TSC22D1: variants seen among roughly 807,000 people sequenced by gnomAD.
TSC22D1 encodes the protein TSC22 domain family protein 1.
A neutral mutation model predicts 74.2 loss-of-function variants in TSC22D1; 9 were observed. That is an observed-to-expected ratio of 0.12 (90% CI 0.07 to 0.21). TSC22D1 has a LOEUF of 0.21. Among genes scored for constraint, TSC22D1 ranks in the 10% least tolerant of loss-of-function variants. The pLI, the probability that TSC22D1 is intolerant of heterozygous loss-of-function variation, is 1.00. For missense variants in TSC22D1, 1,427 were observed against 1,304.7 expected (o/e 1.09, Z -1.44); for synonymous variants, 586 against 492.5 (o/e 1.19, Z -2.51).
chr13:44,494,463 C>G (rs1782913664), intron 1 of TSC22D1, among the ~76,000 whole-genome samples: 2 of 140,722 alleles, frequency 1.4e-5, no homozygotes, highest in Non-Finnish European at 3.0e-5. Context: ...GAGGCTGAAG[C>G]AGGAGTACTG....
At chr13:44,552,784 C>A (rs1055530586) in intron 1 of TSC22D1, among the ~76,000 whole-genome samples, 2 of 152,070 alleles carry the variant, frequency 1.3e-5, no homozygotes, top group African/African-American at 4.8e-5. Flanking sequence ...GTTAGGAGAT[C>A]GAGACCATCC....
intron 1 of TSC22D1, among the ~76,000 whole-genome samples, chr13:44,509,974 TA>T (rs1168693798): frequency 2.1e-3 from 173 of 82,224 alleles, no homozygotes; most frequent in African/African-American, 5.1e-3. Context: ...AAAAAAAAGC[TA>T]AAAAAAAAAA....
At chr13:44,519,877 G>A (rs1168334556) in intron 1 of TSC22D1, among the ~76,000 whole-genome samples, 1 of 152,124 alleles carries the variant, frequency 6.6e-6, no homozygotes, top group African/African-American at 2.4e-5. Context: ...AGGACTAGAT[G>A]ATGGATTATG....
At chr13:44,520,625 A>AT (rs1003040205) in intron 1 of TSC22D1, among the ~76,000 whole-genome samples, 3 of 152,142 alleles carry the variant, frequency 2.0e-5, no homozygotes, top group Non-Finnish European at 4.4e-5. Flanking sequence ...GAAAGAAGTA[A>AT]TTTTTTAAAA....
intron 2 of TSC22D1, 99 bp from the exon 3 acceptor site, chr13:44,434,982 T>A: frequency 9.6e-7 from 1 of 1,037,710 alleles, no homozygotes; most frequent in Non-Finnish European, 1.4e-6. Flanking sequence ...CCTAACTATT[T>A]ACATATTCCA....
intron 1 of TSC22D1, among the ~76,000 whole-genome samples, chr13:44,572,253 A>C (rs1421932702): frequency 6.6e-6 from 1 of 152,204 alleles, no homozygotes; most frequent in Non-Finnish European, 1.5e-5. Flanking sequence ...TCAGCTTCAA[A>C]GACACAATTT....
intron 1 of TSC22D1, among the ~76,000 whole-genome samples, chr13:44,556,203 C>T (rs976194599): frequency 1.3e-5 from 2 of 150,374 alleles, no homozygotes; most frequent in African/African-American, 2.4e-5. Context: ...ATAATGGAAA[C>T]GAAAAAAACA....
chr13:44,439,463 T>C (rs1227307183), intron 1 of TSC22D1, among the ~76,000 whole-genome samples: 2 of 152,200 alleles, frequency 1.3e-5, no homozygotes, highest in African/African-American at 2.4e-5. Flanking sequence ...GGATCAGAAA[T>C]GTCCGTGGCA....
In TSC22D1 at chr13:44,536,945, A is replaced by AC. The variant is rs1566159539; in HGVS notation, c.2912+36217_2912+36218insG. The AC allele has an allele frequency of 8.7e-6, 8 of 915,842 alleles. 1 individual carries two copies. Among genetic ancestry groups the AC allele is most frequent in the Non-Finnish European group, 1.0e-5 (8 of 774,570 alleles). 56.7% of individuals were successfully genotyped at this position (915,842 alleles called of 1,614,324 possible). A position where few individuals can be genotyped will look rare whatever the true frequency, so the allele number is the denominator to read the frequency against. On this transcript the variant is annotated intron_variant, in intron 1 of 2. Transcript: ENST00000458659. ...TTTTCTGAAAAAAAAAAAAAAAAAAAAAAAAAAAAAAAAACAAAAAAAACT... is the reference window on the plus strand; with the variant it reads ...TTTTCTGAAAAAAAAAAAAAAAAAAACAAAAAAAAAAAAAACAAAAAAAACT...
At chr13:44,525,952 T>C (rs1340228308) in intron 1 of TSC22D1, among the ~76,000 whole-genome samples, 1 of 151,926 alleles carries the variant, frequency 6.6e-6, no homozygotes, top group East Asian at 1.9e-4. Flanking sequence ...AATAGAAAAA[T>C]TAGCCAGGTG....
intron 1 of TSC22D1, among the ~76,000 whole-genome samples, chr13:44,540,805 A>G (rs548854401): frequency 6.6e-6 from 1 of 152,328 alleles, no homozygotes; most frequent in Non-Finnish European, 1.5e-5. Context: ...TGAAAGGAGA[A>G]TAAGATAGGC....
At chr13:44,473,476 C>G (rs1319164753) in intron 1 of TSC22D1, among the ~76,000 whole-genome samples, 1 of 152,068 alleles carries the variant, frequency 6.6e-6, no homozygotes, top group Non-Finnish European at 1.5e-5. Context: ...GCCTGGGCGA[C>G]AGAGCAAGAC....
chr13:44,508,208 T>C (rs1217611681), intron 1 of TSC22D1, among the ~76,000 whole-genome samples: 1 of 152,232 alleles, frequency 6.6e-6, no homozygotes, highest in African/African-American at 2.4e-5. Context: ...TAGTATCTTC[T>C]GAATTCACTC....
intron 1 of TSC22D1, among the ~76,000 whole-genome samples, chr13:44,529,498 G>T (rs1284778731): frequency 1.3e-5 from 2 of 152,022 alleles, no homozygotes; most frequent in African/African-American, 4.8e-5. Flanking sequence ...TTTCTTGTTG[G>T]TGAAGAAGGA....
intron 1 of TSC22D1, among the ~76,000 whole-genome samples, chr13:44,480,244 T>A (rs567884086): frequency 6.6e-6 from 1 of 152,316 alleles, no homozygotes; most frequent in South Asian, 2.1e-4. Flanking sequence ...GAATTTAACA[T>A]TCATTAACAT....
intron 1 of TSC22D1, among the ~76,000 whole-genome samples, chr13:44,541,453 GAAAA>G (rs1436001621): frequency 1.3e-5 from 2 of 151,902 alleles, no homozygotes; most frequent in African/African-American, 4.8e-5. Flanking sequence ...TTAAAGAAAA[GAAAA>G]AAGAAACTGG....
Position 44,573,815 on chromosome 13 carries a change from T to C in TSC22D1, c.2260A>G (p.Ile754Val), listed in dbSNP as rs2138257499. 6.2e-7 allele frequency: 1 copy of C among 1,614,238 alleles called. No individual in the cohort carries two copies. The highest frequency in any genetic ancestry group is 2.2e-5 in the East Asian group (1 of 44,886). ...GAAGATGGAGGAGCACCCTGCTGAA[T>C]AACTGAAGGTGGAACCTGGGTAGAG... ...QPSTQVPPSVIQQGAPPSSQV... is the reference protein window; with the variant it reads ...QPSTQVPPSVVQQGAPPSSQV... The change falls in exon 1 of 3, where the codon ATT (isoleucine) becomes GTT (valine). Residue 754 changes from isoleucine to valine, a missense_variant. By Grantham distance (29) the Ile-to-Val change is conservative. Around this residue, in one of 3 missense-constraint regions of TSC22D1, gnomAD observed 1,343 missense variants for 1,191.5 expected, o/e 1.13. Transcript: ENST00000458659.
intron 1 of TSC22D1, among the ~76,000 whole-genome samples, chr13:44,509,563 C>G (rs999857748): frequency 5.3e-5 from 8 of 152,138 alleles, no homozygotes; most frequent in Admixed American, 5.2e-4. Context: ...TCGCTTGAAC[C>G]CAGGAGGCGG....
Position 44,434,398 on chromosome 13 carries a change from C to A in TSC22D1, c.*228G>T. ...CAAGCTGCATGAGGTCCCGGTATATCCATGCTAATTCTCGGATTAACCTTT... is the reference window on the plus strand; with the variant it reads ...CAAGCTGCATGAGGTCCCGGTATATACATGCTAATTCTCGGATTAACCTTT... On this transcript the variant is annotated 3_prime_UTR_variant, in exon 3 of 3. Transcript: ENST00000458659. 1 of 1,367,350 alleles carries A rather than the reference C, an allele frequency of 7.3e-7. No homozygotes were observed. Among genetic ancestry groups the A allele is most frequent in the East Asian group, 2.9e-5 (1 of 35,080 alleles). The allele number at this position is 1,367,350 out of a possible 1,614,324, so 84.7% of individuals were successfully genotyped here. A position where few individuals can be genotyped will look rare whatever the true frequency, so the allele number is the denominator to read the frequency against.
Sources: gnomAD v4.1 joint callset for allele counts (sites outside exome capture counted in the v4.1 genomes callset) on GRCh38, gnomAD v4.1.1 for gene constraint, gnomAD v4.1.1 regional missense constraint, MANE v1.5 for transcripts, NCBI Gene and HGNC (gene_info 2026-07-23, HGNC 2026-07-21) for gene names.